SUSD4: variants seen among roughly 807,000 people sequenced by gnomAD.
SUSD4 encodes the protein sushi domain containing 4.
A neutral mutation model predicts 50.5 loss-of-function variants in SUSD4; 41 were observed. The observed-to-expected ratio is 0.81, with a 90% CI of 0.63 to 1.05. The LOEUF is 1.05. SUSD4 is among the 50% of genes least tolerant of loss of function. SUSD4 has a pLI of 0.00. For missense variants in SUSD4, 580 were observed against 634.7 expected (o/e 0.91, Z 0.93); for synonymous variants, 257 against 257.3 (o/e 1.00, Z 0.01).
At chr1:223,264,866 G>A in intron 4 of SUSD4, 48 bp from the exon 5 acceptor site, 1 of 1,578,304 alleles carries the variant, frequency 6.3e-7, no homozygotes, top group Non-Finnish European at 8.6e-7. Flanking sequence ...TGTCATCTCT[G>A]TACATCGAAA....
In SUSD4 at chr1:223,229,266, C is replaced by G. The variant is rs758854269; in HGVS notation, c.847G>C (p.Asp283His). The change falls in exon 6 of 9, where the codon GAC becomes CAC. Residue 283 changes from aspartate to histidine, a missense_variant. By Grantham distance (81) the Asp-to-His change is moderately conservative. Coordinates refer to ENST00000366878, the MANE Select transcript of SUSD4 (RefSeq NM_017982.4). This position sits in a 1 kb window ranked among gnomAD's most constrained non-coding sequence, Gnocchi z 4.7. ...YCDPGYSLTSDYKYITCQYGE... is the reference protein window; with the variant it reads ...YCDPGYSLTSHYKYITCQYGE... ...TACTGGCAGGTGATGTACTTGTAGT[C>G]GCTGGTGAGGCTGTAGCCAGGATCG... 2.5e-6 allele frequency: 4 copies of G among 1,613,060 alleles called. No homozygotes were observed. The highest frequency in any genetic ancestry group is 3.4e-6 in the Non-Finnish European group (4 of 1,179,240).
At chr1:223,346,155 T>C (rs533902364) in intron 2 of SUSD4, among the ~76,000 whole-genome samples, 1 of 152,188 alleles carries the variant, frequency 6.6e-6, no homozygotes, top group African/African-American at 2.4e-5. Flanking sequence ...ACACCCTCTA[T>C]TCCATCCGCT....
At chr1:223,268,353 T>C in intron 4 of SUSD4, 149 bp downstream of exon 4, 1 of 1,051,352 alleles carries the variant, frequency 9.5e-7, no homozygotes, top group Non-Finnish European at 1.3e-6. Context: ...GCAATTGTAG[T>C]AAAGATGCAA....
intron 2 of SUSD4, among the ~76,000 whole-genome samples, chr1:223,357,900 C>T (rs746831553): frequency 6.6e-6 from 1 of 152,152 alleles, no homozygotes; most frequent in Non-Finnish European, 1.5e-5. Context: ...TATCCTTTTG[C>T]CCCTTTCTTC....
intron 2 of SUSD4, among the ~76,000 whole-genome samples, chr1:223,322,858 T>C (rs1054636250): frequency 6.6e-6 from 1 of 152,234 alleles, no homozygotes; most frequent in African/African-American, 2.4e-5. Context: ...TTTGAAAATA[T>C]TAAACTGATA....
intron 5 of SUSD4, among the ~76,000 whole-genome samples, chr1:223,260,161 T>C (rs1661999832): frequency 6.6e-6 from 1 of 152,202 alleles, no homozygotes; most frequent in South Asian, 2.1e-4. Flanking sequence ...TTGGTAAAAG[T>C]AGCTGTGTGT....
intron 2 of SUSD4, among the ~76,000 whole-genome samples, chr1:223,307,899 T>C (rs1665641068): frequency 6.6e-6 from 1 of 152,166 alleles, no homozygotes; most frequent in Non-Finnish European, 1.5e-5. Flanking sequence ...CATGAAAAAC[T>C]TTCCCAGATG....
chr1:223,360,298 T>A, intron 2 of SUSD4: 1 of 466,964 alleles, frequency 2.1e-6, no homozygotes, highest in Non-Finnish European at 4.4e-6. Flanking sequence ...CCAGCAGGTC[T>A]CTGGTCAAGT....
rs78020934 is a variant in SUSD4 at position 223,257,860 on chromosome 1, G to T, written c.724+6770C>A. Among the ~76,000 whole-genome samples the T allele has an allele frequency of 5.4e-3, 821 of 152,274 alleles. 40 individuals are homozygous for T. The East Asian group carries it at 0.12, about 22-fold the overall frequency. On this transcript the variant is annotated intron_variant, in intron 5 of 8. Transcript: ENST00000366878. ...GGGAGAATAGAGTGGCCCTGATTCG[G>T]GTCTGGGGAAGTGACCGAGGTGACA...
rs1034716861 is a variant in SUSD4 at position 223,264,391 on chromosome 1, C to T, written c.724+239G>A. 8 of 1,227,834 alleles carry T rather than the reference C, an allele frequency of 6.5e-6. No homozygotes were observed. The Admixed American group carries it at 2.0e-4, about 31-fold the overall frequency. 76.1% of individuals were successfully genotyped at this position (1,227,834 alleles called of 1,614,324 possible). On this transcript the variant is annotated intron_variant, in intron 5 of 8. Transcript: ENST00000366878. ...ATTTTGTAATTTAACCTTTAATGTT[C>T]GCAACTTTTTCTTTTATCTGCTCTC...
At chr1:223,276,329 TC>T (rs1663270480) in intron 3 of SUSD4, among the ~76,000 whole-genome samples, 1 of 152,192 alleles carries the variant, frequency 6.6e-6, no homozygotes, top group Non-Finnish European at 1.5e-5. Flanking sequence ...TTTGAGCAAC[TC>T]CCTACCTCCA....
At position 223,268,589 on chromosome 1, in the gene SUSD4, C is replaced by T; in HGVS notation, c.448G>A (p.Gly150Arg). Residue 150 changes from glycine to arginine, a missense_variant, in exon 4 of 9, where the codon GGA (glycine) becomes AGA (arginine). Transcript: ENST00000366878. ...GEKLIITCHE[G>R]FKIRYPDLHN... Reference sequence around the variant, plus strand: ...AGGTCGGGGTACCGGATCTTGAATCCTTCATGACAAGTGATGATTAGCTTC... The same window carrying T: ...AGGTCGGGGTACCGGATCTTGAATCTTTCATGACAAGTGATGATTAGCTTC... The T allele has an allele frequency of 1.9e-6, 3 of 1,608,394 alleles. No homozygotes were observed. Among genetic ancestry groups the T allele is most frequent in the Non-Finnish European group, 2.5e-6 (3 of 1,177,500 alleles).
At chr1:223,320,217 C>A (rs1338166553) in intron 2 of SUSD4, among the ~76,000 whole-genome samples, 1 of 152,122 alleles carries the variant, frequency 6.6e-6, no homozygotes, top group Non-Finnish European at 1.5e-5. Context: ...CAACTTTTAC[C>A]TCCTCTCTCT....
At chr1:223,294,557 C>A (rs1664704657) in intron 2 of SUSD4, among the ~76,000 whole-genome samples, 1 of 152,206 alleles carries the variant, frequency 6.6e-6, no homozygotes, top group African/African-American at 2.4e-5. Context: ...AGGCATGGCA[C>A]TGGCAGGATG....
At chr1:223,268,023 A>ATATATATATATATG (rs1662627560) in intron 4 of SUSD4, among the ~76,000 whole-genome samples, 1 of 82,832 alleles carries the variant, frequency 1.2e-5, no homozygotes, top group Non-Finnish European at 2.8e-5. Flanking sequence ...TTATATATAT[A>ATATATATATATATG]TATATATATA....
chr1:223,276,210 T>G (rs1005944438), intron 3 of SUSD4, among the ~76,000 whole-genome samples: 1 of 152,248 alleles, frequency 6.6e-6, no homozygotes, highest in Non-Finnish European at 1.5e-5. Context: ...GTCAGTTTGG[T>G]GTTCAGGGTT....
rs147072967 is a variant in SUSD4, at chr1:223,306,647, A to C, written c.149-13996T>G. The stretch of plus-strand genomic sequence containing the variant: ...GCTGGGACTACAGGTGTGTGCCACC[A>C]TGCCTGGATAATTTTTTATGTTTTT... On this transcript the variant is annotated intron_variant, in intron 2 of 8. Coordinates refer to ENST00000366878, the MANE Select transcript of SUSD4 (RefSeq NM_017982.4). 4.2e-4 allele frequency among the ~76,000 whole-genome samples: 64 copies of C among 152,248 alleles called. 1 individual carries two copies. The East Asian group carries it at 9.3e-3, about 22-fold the overall frequency.
intron 5 of SUSD4, among the ~76,000 whole-genome samples, chr1:223,258,458 A>C (rs908917394): frequency 3.3e-5 from 5 of 151,860 alleles, no homozygotes; most frequent in Admixed American, 6.6e-5. Flanking sequence ...CCTGTGATTG[A>C]ATTGGATGCT....
intron 2 of SUSD4, among the ~76,000 whole-genome samples, chr1:223,302,623 C>T (rs1665267029): frequency 6.6e-6 from 1 of 152,122 alleles, no homozygotes; most frequent in Admixed American, 6.5e-5. Flanking sequence ...GGCCCCCTGC[C>T]CCAATGATAG....
Sources: gnomAD v4.1 joint callset for allele counts (sites outside exome capture counted in the v4.1 genomes callset) on GRCh38, gnomAD v4.1.1 for gene constraint, Gnocchi (gnomAD v3.1) non-coding constraint, MANE v1.5 for transcripts, NCBI Gene and HGNC (gene_info 2026-07-23, HGNC 2026-07-21) for gene names.